The following AIMP1 variants were observed in gnomAD, a reference collection of about 807,000 sequenced individuals.
The protein encoded by AIMP1 is aminoacyl tRNA synthase complex-interacting multifunctional protein 1.
In AIMP1, 24 loss-of-function variants were observed where a neutral mutation model predicts 33.1. The ratio of observed to expected loss-of-function variants is 0.73; its 90% CI spans 0.53 to 1.02. The LOEUF is 1.02. Among genes scored for constraint, AIMP1 ranks in the 50% least tolerant of loss-of-function variants. The pLI, the probability that AIMP1 is intolerant of heterozygous loss-of-function variation, is 0.00. For synonymous variants in AIMP1, 120 were observed against 121.5 expected (o/e 0.99, Z 0.08); for missense variants, 367 against 364.8 (o/e 1.01, Z -0.05).
chr4:106,338,416 G>T (rs976035946), intron 6 of AIMP1, among the ~76,000 whole-genome samples: 1 of 152,204 alleles, frequency 6.6e-6, no homozygotes, highest in Non-Finnish European at 1.5e-5. Flanking sequence ...GGGACTTGGT[G>T]CCCTGCTTCC....
chr4:106,316,403 A>G (rs1768880131), upstream of AIMP1: 2 of 744,378 alleles, frequency 2.7e-6, no homozygotes, highest in Non-Finnish European at 4.6e-6. Context: ...GAAGACGAGG[A>G]GCGTGGTATG....
At chr4:106,322,341 A>T (rs1206074755) in intron 1 of AIMP1, among the ~76,000 whole-genome samples, 1 of 152,186 alleles carries the variant, frequency 6.6e-6, no homozygotes, top group Non-Finnish European at 1.5e-5. Context: ...TACCAAGGTC[A>T]CACAGTCTAA....
At chr4:106,332,649 G>T (rs1173114408) in intron 5 of AIMP1, among the ~76,000 whole-genome samples, 4 of 145,314 alleles carry the variant, frequency 2.8e-5, no homozygotes, top group Non-Finnish European at 6.0e-5. Flanking sequence ...ATATAAGTTG[G>T]TTCACTTTTT....
At chr4:106,324,808 A>G (rs1769398568) in intron 1 of AIMP1, among the ~76,000 whole-genome samples, 177 bp from the exon 2 acceptor site, 1 of 152,152 alleles carries the variant, frequency 6.6e-6, no homozygotes. Flanking sequence ...GAATTAGTCT[A>G]CTTAACATTT....
Position 106,347,914 on chromosome 4 carries a change from G to A in AIMP1, c.*222G>A, listed in dbSNP as rs1770367194. The A allele has an allele frequency of 5.4e-6, 2 of 373,556 alleles. No individual in the cohort carries two copies. The highest frequency in any genetic ancestry group is 9.5e-6 in the Non-Finnish European group (2 of 209,942). The allele number at this position is 373,556 out of a possible 1,614,324, so 23.1% of individuals were successfully genotyped here. On this transcript the variant is annotated 3_prime_UTR_variant, in exon 7 of 7. Transcript: ENST00000672341. The stretch of plus-strand genomic sequence containing the variant: ...ATAATGGAGAGAGGAAGTTGCCTAT[G>A]TTTTGTAATAATTTATTTTTTAGCA...
rs2125920827 is a variant in AIMP1 at position 106,325,013 on chromosome 4, G to T, written c.4G>T (p.Ala2Ser). M[A>S]NNDAVLKRLE... ...TTTCTGCCGTCTCTTGGCAAAAATG[G>T]CAAATAATGATGCTGTTCTGAAGAG... Residue 2 changes from alanine to serine, a missense_variant, in exon 2 of 7, where the codon GCA becomes TCA. By Grantham distance (99) the Ala-to-Ser change is moderately conservative (BLOSUM62 1). Transcript: ENST00000672341. The T allele has an allele frequency of 1.9e-6, 3 of 1,601,046 alleles. No homozygotes were observed. Among genetic ancestry groups the T allele is most frequent in the South Asian group, 1.1e-5 (1 of 87,424 alleles).
At chr4:106,326,430 C>G (rs1204685528) in intron 2 of AIMP1, among the ~76,000 whole-genome samples, 6 of 152,246 alleles carry the variant, frequency 3.9e-5, no homozygotes, top group Admixed American at 3.9e-4. Context: ...TACTAACAAT[C>G]AAAAATAATC....
intron 1 of AIMP1, 49 bp from the exon 2 acceptor site, chr4:106,324,936 A>G (rs531409689): frequency 5.4e-6 from 8 of 1,482,594 alleles, no homozygotes; most frequent in Admixed American, 2.2e-5. Context: ...CCTATAGTAT[A>G]AATTTATTCC....
intron 6 of AIMP1, 146 bp downstream of exon 6, chr4:106,337,183 G>A: frequency 1.3e-6 from 1 of 782,996 alleles, no homozygotes; most frequent in East Asian, 2.6e-5. Context: ...AGTTTTTCAA[G>A]ATTGGCTCAA....
intron 6 of AIMP1, among the ~76,000 whole-genome samples, chr4:106,341,931 A>G (rs997072814): frequency 6.6e-6 from 1 of 152,168 alleles, no homozygotes; most frequent in African/African-American, 2.4e-5. Context: ...TGAGTGTACA[A>G]TGTTTTTCCA....
intron 6 of AIMP1, among the ~76,000 whole-genome samples, chr4:106,339,874 T>TA (rs1398423580): frequency 6.6e-6 from 1 of 152,244 alleles, no homozygotes; most frequent in Non-Finnish European, 1.5e-5. Context: ...ATATCTAAGT[T>TA]AAAATGTAAT....
At chr4:106,341,021 T>C (rs368936606) in intron 6 of AIMP1, among the ~76,000 whole-genome samples, 1 of 152,170 alleles carries the variant, frequency 6.6e-6, no homozygotes, top group Non-Finnish European at 1.5e-5. Flanking sequence ...ATGTTGAGTG[T>C]TTTTGATATT....
Position 106,328,241 on chromosome 4 carries a change from A to C in AIMP1, c.389A>C (p.Lys130Thr). 1 of 1,605,412 alleles carries C rather than the reference A, an allele frequency of 6.2e-7. No individual in the cohort carries two copies. Among genetic ancestry groups the C allele is most frequent in the Non-Finnish European group, 8.5e-7 (1 of 1,175,012 alleles). ...AAAGCGAAAGAGAAAATTGAAAAGAAAGGTATTTTTGACCTTTAAGCATAT... is the reference window on the plus strand; with the variant it reads ...AAAGCGAAAGAGAAAATTGAAAAGACAGGTATTTTTGACCTTTAAGCATAT... ...EKKAKEKIEK[K>T]GEKKEKKQQS... Residue 130 changes from lysine to threonine, a missense_variant and splice_region_variant, in exon 4 of 7, where the codon AAA (lysine) becomes ACA (threonine). Lys to Thr is a moderately conservative substitution (Grantham distance 78). Transcript: ENST00000672341.
At chr4:106,345,370 C>T (rs1202932849) in intron 6 of AIMP1, among the ~76,000 whole-genome samples, 1 of 152,152 alleles carries the variant, frequency 6.6e-6, no homozygotes, top group African/African-American at 2.4e-5. Context: ...CTCCCTCTAG[C>T]CTTCCAGAAT....
chr4:106,326,253 G>C (rs981674074), intron 2 of AIMP1, among the ~76,000 whole-genome samples: 2 of 151,996 alleles, frequency 1.3e-5, no homozygotes, highest in Non-Finnish European at 2.9e-5. Context: ...ATAAAGAATA[G>C]TTAAAAATCT....
At chr4:106,331,550 G>A in intron 4 of AIMP1, 122 bp from the exon 5 acceptor site, 1 of 776,740 alleles carries the variant, frequency 1.3e-6, no homozygotes, top group Non-Finnish European at 2.2e-6. Flanking sequence ...GTGAAGGTAG[G>A]AGATAAACAT....
chr4:106,332,226 C>G (rs2125924348), intron 5 of AIMP1, among the ~76,000 whole-genome samples: 1 of 151,828 alleles, frequency 6.6e-6, no homozygotes, highest in South Asian at 2.1e-4. Flanking sequence ...CAACAAAATA[C>G]AAAACATCCC....
chr4:106,316,381 G>T (rs1768876493), upstream of AIMP1: 1 of 666,854 alleles, frequency 1.5e-6, no homozygotes, highest in East Asian at 2.8e-5. Context: ...GAAAATACTG[G>T]GTGAGGGAAT....
At chr4:106,316,523 A>C, upstream of AIMP1, 2 of 1,551,452 alleles carry the variant, frequency 1.3e-6, no homozygotes, top group South Asian at 2.4e-5. Flanking sequence ...TCTCACTGCT[A>C]TAGTACGCGG....
Sources: allele counts gnomAD v4.1 joint callset (sites outside exome capture counted in the v4.1 genomes callset), GRCh38; gene constraint gnomAD v4.1.1; transcripts MANE v1.5; gene names NCBI Gene and HGNC (gene_info 2026-07-23, HGNC 2026-07-21).